GRIK2: variants seen among roughly 807,000 people sequenced by gnomAD.
GRIK2 encodes glutamate ionotropic receptor kainate type subunit 2.
Under a neutral mutation model 100.3 loss-of-function variants are expected in GRIK2, and 32 were observed. The ratio of observed to expected loss-of-function variants is 0.32; its 90% CI spans 0.24 to 0.43. The LOEUF is 0.43. GRIK2 is among the 20% of genes least tolerant of loss of function. The pLI, the probability that GRIK2 is intolerant of heterozygous loss-of-function variation, is 1.00. For synonymous variants in GRIK2, 417 were observed against 389.4 expected (o/e 1.07, Z -0.83); for missense variants, 843 against 1,114.9 (o/e 0.76, Z 3.47).
intron 12 of GRIK2, among the ~76,000 whole-genome samples, chr6:101,915,219 T>A (rs1789022398): frequency 1.3e-5 from 2 of 151,432 alleles, no homozygotes; most frequent in African/African-American, 4.8e-5. Flanking sequence ...TTGGGATATA[T>A]GTTATTTATA....
intron 6 of GRIK2, among the ~76,000 whole-genome samples, chr6:101,685,789 A>G (rs1771637674): frequency 6.6e-6 from 1 of 152,126 alleles, no homozygotes; most frequent in Admixed American, 6.6e-5. Context: ...CTGACAAAAA[A>G]AAAATTAAAA....
chr6:101,711,737 A>T (rs952077199), intron 7 of GRIK2, among the ~76,000 whole-genome samples: 2 of 151,808 alleles, frequency 1.3e-5, no homozygotes, highest in Non-Finnish European at 2.9e-5. Context: ...GATAGTAGAA[A>T]ATTCTGTTAA....
At chr6:101,919,543 A>G (rs1021205482) in intron 12 of GRIK2, among the ~76,000 whole-genome samples, 10 of 151,830 alleles carry the variant, frequency 6.6e-5, no homozygotes, top group Non-Finnish European at 1.3e-4. Flanking sequence ...CTAGGTAGGA[A>G]GTTACAGAGA....
intron 2 of GRIK2, among the ~76,000 whole-genome samples, chr6:101,463,097 G>A (rs1041461219): frequency 1.3e-5 from 2 of 152,096 alleles, no homozygotes; most frequent in Non-Finnish European, 2.9e-5. Flanking sequence ...ATCTATCAAA[G>A]TGTTTTGCTT....
At chr6:101,760,361 TA>T (rs1465323182) in intron 7 of GRIK2, among the ~76,000 whole-genome samples, 1,734 of 97,006 alleles carry the variant, frequency 0.018, 140 homozygotes, top group Non-Finnish European at 0.022. Context: ...TAATTATATT[TA>T]ATTATATATT....
intron 7 of GRIK2, among the ~76,000 whole-genome samples, chr6:101,722,501 G>A (rs892867241): frequency 7.9e-5 from 12 of 151,908 alleles, no homozygotes; most frequent in East Asian, 5.8e-4. Context: ...GTATAAATAC[G>A]GTAAATAGAT....
At chr6:101,490,820 G>T (rs2518237) in intron 2 of GRIK2, among the ~76,000 whole-genome samples, 15,738 of 145,856 alleles carry the variant, frequency 0.11, 2,340 homozygotes, top group African/African-American at 0.14. Flanking sequence ...AAAATCCTCA[G>T]ATTAATATAG....
At chr6:102,059,572 T>A (rs776935037) in intron 16 of GRIK2, among the ~76,000 whole-genome samples, 5 of 151,026 alleles carry the variant, frequency 3.3e-5, no homozygotes, top group African/African-American at 4.8e-5. Context: ...TATAACAAGC[T>A]GCTTAATATA....
chr6:101,577,331 G>A (rs926809333), intron 2 of GRIK2, among the ~76,000 whole-genome samples: 2 of 151,906 alleles, frequency 1.3e-5, no homozygotes, highest in Non-Finnish European at 2.9e-5. Flanking sequence ...ATGAATGGTA[G>A]TAAATAACAT....
chr6:101,739,828 G>A (rs1423483677), intron 7 of GRIK2, among the ~76,000 whole-genome samples: 3 of 152,032 alleles, frequency 2.0e-5, no homozygotes, highest in Non-Finnish European at 4.4e-5. Flanking sequence ...ATGTTTCACT[G>A]CAAACCTCAC....
chr6:102,014,903 A>G (rs531657038), intron 14 of GRIK2, among the ~76,000 whole-genome samples: 3 of 152,120 alleles, frequency 2.0e-5, no homozygotes, highest in Admixed American at 6.5e-5. Flanking sequence ...AGAAGAATGT[A>G]TATTCTGTTG....
intron 7 of GRIK2, among the ~76,000 whole-genome samples, chr6:101,697,854 C>T (rs970528303): frequency 6.6e-6 from 1 of 152,094 alleles, no homozygotes; most frequent in African/African-American, 2.4e-5. Flanking sequence ...AGATTGAATA[C>T]ATAACTCTGG....
chr6:102,057,915 T>C (rs1045908390), intron 16 of GRIK2, among the ~76,000 whole-genome samples: 7 of 151,832 alleles, frequency 4.6e-5, no homozygotes, highest in African/African-American at 1.7e-4. Flanking sequence ...CCAGAAAGCT[T>C]TCCCTAATCA....
At chr6:101,557,220 A>T (rs1776789964) in intron 2 of GRIK2, among the ~76,000 whole-genome samples, 1 of 152,268 alleles carries the variant, frequency 6.6e-6, no homozygotes, top group East Asian at 1.9e-4. Context: ...CTGACTTTAA[A>T]TTTTTTGGCT....
At chr6:101,553,011 A>G (rs999259540) in intron 2 of GRIK2, among the ~76,000 whole-genome samples, 3 of 152,348 alleles carry the variant, frequency 2.0e-5, no homozygotes, top group South Asian at 2.1e-4. Context: ...TTATGCCTCA[A>G]AGTTACCCCA....
At chr6:101,616,551 G>A (rs748600245) in intron 2 of GRIK2, among the ~76,000 whole-genome samples, 27 of 151,682 alleles carry the variant, frequency 1.8e-4, no homozygotes, top group Non-Finnish European at 2.1e-4. Flanking sequence ...TCTGTAAAAA[G>A]TCTTTTACCA....
At chr6:102,040,890 G>T (rs1770530604) in intron 15 of GRIK2, among the ~76,000 whole-genome samples, 1 of 151,506 alleles carries the variant, frequency 6.6e-6, no homozygotes, top group Non-Finnish European at 1.5e-5. Context: ...CTTTCTGCAG[G>T]TCAGCCCTTC....
At chr6:101,680,577 T>C (rs1474398129) in intron 5 of GRIK2, among the ~76,000 whole-genome samples, 2 of 152,206 alleles carry the variant, frequency 1.3e-5, no homozygotes, top group African/African-American at 4.8e-5. Context: ...CTTAGAATAG[T>C]ATCTGACAAA....
At chr6:101,770,166 T>C (rs1000813948) in intron 7 of GRIK2, among the ~76,000 whole-genome samples, 1 of 152,216 alleles carries the variant, frequency 6.6e-6, no homozygotes, top group Non-Finnish European at 1.5e-5. Context: ...CTATCGTTAC[T>C]GCCTTGTTTT....
Sources: gnomAD v4.1 joint callset for allele counts (sites outside exome capture counted in the v4.1 genomes callset) on GRCh38, gnomAD v4.1.1 for gene constraint, MANE v1.5 for transcripts, NCBI Gene and HGNC (gene_info 2026-07-23, HGNC 2026-07-21) for gene names.